The following EPHA6 variants were observed in gnomAD, a reference collection of about 807,000 sequenced individuals.
EPHA6 encodes the protein EPH receptor A6, also known as ephrin type-A receptor 6.
A neutral mutation model predicts 112.0 loss-of-function variants in EPHA6; 50 were observed. The ratio of observed to expected loss-of-function variants is 0.45; its 90% CI spans 0.36 to 0.56. The LOEUF is 0.56. Ranked by LOEUF, EPHA6 falls within the 20% of genes least tolerant of loss-of-function variation. The probability of loss-of-function intolerance (pLI) is 0.00; values close to 1 mark genes in which losing one functional copy is unlikely to be tolerated. For synonymous variants in EPHA6, 529 were observed against 490.7 expected (o/e 1.08, Z -1.03); for missense variants, 1,280 against 1,417.4 (o/e 0.90, Z 1.56).
At position 97,404,781 on chromosome 3, in the gene EPHA6, T is replaced by C. The variant is rs965119746; in HGVS notation, c.1607-369T>C. Reference sequence around the variant, plus strand: ...ATCTTGTAATTGCAGAGTTTGTTTTTTCCTACAGTAGATCAATATTTGATA... The same window carrying C: ...ATCTTGTAATTGCAGAGTTTGTTTTCTCCTACAGTAGATCAATATTTGATA... On this transcript the variant is annotated intron_variant, in intron 5 of 17. Coordinates refer to ENST00000389672, the MANE Select transcript of EPHA6 (RefSeq NM_001080448.3). 3.9e-5 allele frequency among the ~76,000 whole-genome samples: 6 copies of C among 152,188 alleles called. No individual in the cohort carries two copies. In the East Asian group the frequency reaches 9.6e-4, roughly 24 times the overall value.
intron 3 of EPHA6, among the ~76,000 whole-genome samples, chr3:97,130,031 AC>A (rs2108324330): frequency 6.6e-6 from 1 of 152,328 alleles, no homozygotes; most frequent in African/African-American, 2.4e-5. Context: ...CTTTGTCAGT[AC>A]AAACTAAAAT....
At chr3:97,571,686 A>T (rs1377941315) in intron 11 of EPHA6, among the ~76,000 whole-genome samples, 1 of 152,194 alleles carries the variant, frequency 6.6e-6, no homozygotes, top group East Asian at 1.9e-4. Context: ...TTTCCTGTTA[A>T]ATGCCACACA....
rs374105719 is a variant in EPHA6 at position 97,413,177 on chromosome 3, C to A, written c.1731+7903C>A. On this transcript the variant is annotated intron_variant, in intron 6 of 17. Coordinates refer to ENST00000389672, the MANE Select transcript of EPHA6 (RefSeq NM_001080448.3). ...CAAAGTGCAGTCAGCCTTCAAAAAA[C>A]TACTCTTCCAGCAAAGAAAAATGTA... 2.4e-3 allele frequency among the ~76,000 whole-genome samples: 371 copies of A among 151,954 alleles called. 3 individuals carry two copies. Among genetic ancestry groups the A allele is most frequent in the African/African-American group, 8.1e-3 (335 of 41,466 alleles).
chr3:97,485,109 G>A (rs2091666686), intron 10 of EPHA6, among the ~76,000 whole-genome samples: 1 of 152,178 alleles, frequency 6.6e-6, no homozygotes, highest in African/African-American at 2.4e-5. Flanking sequence ...TCTAGATGCT[G>A]GAGATTTGTT....
intron 3 of EPHA6, among the ~76,000 whole-genome samples, chr3:97,125,674 T>C (rs2048163896): frequency 6.6e-6 from 1 of 152,182 alleles, no homozygotes. Flanking sequence ...TGACTAAAAA[T>C]TCTTTATTAT....
At chr3:97,111,580 A>T (rs1238225706) in intron 3 of EPHA6, among the ~76,000 whole-genome samples, 1 of 152,142 alleles carries the variant, frequency 6.6e-6, no homozygotes, top group Non-Finnish European at 1.5e-5. Context: ...CCCTGGAAAC[A>T]AAATGTAATT....
intron 13 of EPHA6, among the ~76,000 whole-genome samples, chr3:97,636,913 A>G (rs941202299): frequency 6.6e-6 from 1 of 152,090 alleles, no homozygotes; most frequent in African/African-American, 2.4e-5. Context: ...ATGTTGCTCT[A>G]TAACTCCATT....
intron 5 of EPHA6, among the ~76,000 whole-genome samples, chr3:97,327,683 C>CTT (rs2082503810): frequency 6.6e-6 from 1 of 151,766 alleles, no homozygotes; most frequent in Admixed American, 6.6e-5. Flanking sequence ...ATTTCTAAAA[C>CTT]TTTATCATGT....
At chr3:97,344,751 G>A (rs890203179) in intron 5 of EPHA6, among the ~76,000 whole-genome samples, 6 of 152,118 alleles carry the variant, frequency 3.9e-5, no homozygotes, top group South Asian at 2.1e-4. Flanking sequence ...TAGTAAGTGC[G>A]TAGTGGTATC....
At chr3:97,637,753 C>A (rs2093960948) in intron 13 of EPHA6, 120 bp from the exon 14 acceptor site, 1 of 742,960 alleles carries the variant, frequency 1.3e-6, no homozygotes, top group Non-Finnish European at 2.2e-6. Flanking sequence ...TCAGTGATCA[C>A]CAAAGTTGAT....
intron 1 of EPHA6, among the ~76,000 whole-genome samples, chr3:96,837,570 A>T (rs1490993989): frequency 6.6e-6 from 1 of 152,114 alleles, no homozygotes; most frequent in East Asian, 1.9e-4. Flanking sequence ...CAATTGAAAA[A>T]TGAGGCAGTC....
chr3:96,837,877 A>G (rs1424672488), intron 1 of EPHA6, among the ~76,000 whole-genome samples: 1 of 151,990 alleles, frequency 6.6e-6, no homozygotes, highest in East Asian at 1.9e-4. Flanking sequence ...TAAATTTCCA[A>G]ATTTTACTTT....
chr3:97,024,999 A>G (rs532749674), intron 3 of EPHA6, among the ~76,000 whole-genome samples: 1 of 152,182 alleles, frequency 6.6e-6, no homozygotes, highest in African/African-American at 2.4e-5. Flanking sequence ...TGTATATGTA[A>G]TGTAAAGAGG....
chr3:97,711,478 C>T lies in EPHA6; in HGVS notation c.2785-8783C>T, dbSNP rs371662796. ...ATGGAGGCTGAAAAGTCCCAGGATA[C>T]GCCATCTGCAAGCTGGAGAACCAGG... On this transcript the variant is annotated intron_variant, in intron 14 of 17. Coordinates refer to ENST00000389672, the MANE Select transcript of EPHA6 (RefSeq NM_001080448.3). 1.9e-4 allele frequency among the ~76,000 whole-genome samples: 29 copies of T among 152,024 alleles called. No individual in the cohort carries two copies. In the South Asian group the frequency reaches 2.9e-3, roughly 15 times the overall value.
intron 2 of EPHA6, among the ~76,000 whole-genome samples, chr3:96,960,346 G>A (rs369707525): frequency 1.2e-4 from 18 of 152,128 alleles, no homozygotes; most frequent in East Asian, 5.8e-4. Context: ...TCTGTTAGCC[G>A]GTTCCAGAGA....
chr3:97,742,669 G>A (rs2035558028), intron 16 of EPHA6, among the ~76,000 whole-genome samples: 1 of 152,032 alleles, frequency 6.6e-6, no homozygotes, highest in Admixed American at 6.6e-5. Context: ...CAAAATATCT[G>A]TATCTATATC....
intron 3 of EPHA6, among the ~76,000 whole-genome samples, chr3:97,061,453 T>C (rs2046018994): frequency 1.3e-5 from 2 of 152,196 alleles, no homozygotes; most frequent in African/African-American, 4.8e-5. Context: ...CTTGTTCTTG[T>C]ACCTCAAGTA....
chr3:97,736,511 G>GTA (rs71113864), intron 16 of EPHA6, among the ~76,000 whole-genome samples: 7 of 149,912 alleles, frequency 4.7e-5, no homozygotes, highest in African/African-American at 1.7e-4. Flanking sequence ...GTGTGTGTGT[G>GTA]CAGCCCCTTT....
At chr3:96,972,622 G>A (rs2042360634) in intron 2 of EPHA6, among the ~76,000 whole-genome samples, 1 of 152,118 alleles carries the variant, frequency 6.6e-6, no homozygotes, top group African/African-American at 2.4e-5. Flanking sequence ...CCTTGCAGCT[G>A]TTTAAGGTCC....
Sources: gnomAD v4.1 joint callset for allele counts (sites outside exome capture counted in the v4.1 genomes callset) on GRCh38, gnomAD v4.1.1 for gene constraint, MANE v1.5 for transcripts, NCBI Gene and HGNC (gene_info 2026-07-23, HGNC 2026-07-21) for gene names.